Variants in RAD1 observed in about 807,000 individuals in gnomAD.
The protein encoded by RAD1 is RAD1 checkpoint DNA exonuclease.
A neutral mutation model predicts 30.0 loss-of-function variants in RAD1; 21 were observed. That is an observed-to-expected ratio of 0.70 (90% CI 0.50 to 1.01). RAD1 has a LOEUF of 1.01. Ranked by LOEUF, RAD1 falls within the 50% of genes least tolerant of loss-of-function variation. The pLI is 0.00. For synonymous variants in RAD1, 109 were observed against 113.6 expected, an observed-to-expected ratio of 0.96 and a Z score of 0.26; for missense variants, 329 against 329.0, an observed-to-expected ratio of 1.00 and a Z score of 0.00.
intron 1 of RAD1, 90 bp downstream of exon 1, chr5:34,915,326 T>A: frequency 4.1e-6 from 1 of 245,052 alleles, no homozygotes; most frequent in South Asian, 6.7e-5. Context: ...CAGATAATCC[T>A]CCAAGAGTCC....
rs1763633961 is a variant in RAD1, at chr5:34,905,860, ATAAGTACCTTGATGTTAGGG to A, written c.*2885_*2904del. ...AAATAAGGAGGAAATTCTTTATAAA[ATAAGTACCTTGATGTTAGGG>A]TGACTTAGAAACAATTCATTAGTCT... is the stretch of plus-strand genomic sequence containing the variant. On this transcript the variant is annotated 3_prime_UTR_variant, in exon 6 of 6. Transcript: ENST00000382038. 1 of 152,232 alleles carries A rather than the reference ATAAGTACCTTGATGTTAGGG, an allele frequency of 6.6e-6. No individual in the cohort carries two copies. The highest frequency in any genetic ancestry group is 6.5e-5 in the Admixed American group (1 of 15,284). The allele number at this position is 152,232 out of a possible 1,614,324, so 9.4% of individuals were successfully genotyped here. A position where few individuals can be genotyped will look rare whatever the true frequency, so the allele number is the denominator to read the frequency against.
At position 34,911,601 on chromosome 5, in the gene RAD1, C is replaced by T. The variant is rs147296059; in HGVS notation, c.519G>A (p.Thr173=). 1.1e-3 allele frequency: 1,746 copies of T among 1,614,126 alleles called. 2 individuals carry two copies. The highest frequency in any genetic ancestry group is 2.0e-3 in the Middle Eastern group (12 of 6,062). Residue 173 remains threonine, a synonymous_variant, in exon 4 of 6, where the codon ACG becomes ACA. Transcript: ENST00000382038. ...ACATGGTAATTTGTAGGACTTCACT[C>T]GTCATATCCAATTCAGAAAATGCTT... is the stretch of plus-strand genomic sequence containing the variant. ...LREAFSELDM[T]SEVLQITMSP...
chr5:34,915,206 C>T (rs1369915501), intron 1 of RAD1, among the ~76,000 whole-genome samples: 1 of 152,230 alleles, frequency 6.6e-6, no homozygotes, highest in Non-Finnish European at 1.5e-5. Context: ...GACACGGTAT[C>T]TCCCGGCCAA....
chr5:34,914,464 T>A (rs1163093863), intron 2 of RAD1: 3 of 543,902 alleles, frequency 5.5e-6, no homozygotes, highest in Non-Finnish European at 9.7e-6. Flanking sequence ...CTAACCATTA[T>A]CTCTGTAAAA....
chr5:34,909,642 AG>A (rs1763767185), intron 4 of RAD1, among the ~76,000 whole-genome samples: 1 of 152,186 alleles, frequency 6.6e-6, no homozygotes, highest in Non-Finnish European at 1.5e-5. Context: ...CTCATCCTTA[AG>A]TCAGAAATAT....
intron 4 of RAD1, among the ~76,000 whole-genome samples, chr5:34,910,806 T>TA (rs1331727349): frequency 1.3e-5 from 2 of 152,228 alleles, no homozygotes; most frequent in Non-Finnish European, 2.9e-5. Flanking sequence ...TTAGGGGCTT[T>TA]AATATTCTGA....
At chr5:34,914,547 G>A in intron 2 of RAD1, 148 bp downstream of exon 2, 1 of 745,314 alleles carries the variant, frequency 1.3e-6, no homozygotes, top group Non-Finnish European at 2.1e-6. Context: ...TCTAACTTAA[G>A]ACTATTATTT....
chr5:34,914,929 G>C lies in RAD1; in HGVS notation c.-37C>G, dbSNP rs1230568588. On this transcript the variant is annotated 5_prime_UTR_variant, in exon 2 of 6. Transcript: ENST00000382038. ...CATTCGGCCCCGAGGGATGCTCCTG[G>C]GGCCAACAACTTCTCGGCGGATCGC... The C allele has an allele frequency of 1.9e-6, 3 of 1,610,752 alleles. No individual in the cohort carries two copies. Among genetic ancestry groups the C allele is most frequent in the African/African-American group, 2.7e-5 (2 of 74,816 alleles).
At chr5:34,915,023 C>T in intron 1 of RAD1, 62 bp from the exon 2 acceptor site, 1 of 941,588 alleles carries the variant, frequency 1.1e-6, no homozygotes, top group Non-Finnish European at 1.6e-6. Context: ...GCTCCACCTG[C>T]GCTGAGAGGT....
rs1451637992 is a variant in RAD1 at position 34,908,122 on chromosome 5, T to C, written c.*643A>G. 1 of 150,774 alleles carries C rather than the reference T, an allele frequency of 6.6e-6. No individual in the cohort carries two copies. The highest frequency in any genetic ancestry group is 1.5e-5 in the Non-Finnish European group (1 of 67,788). 9.3% of individuals were successfully genotyped at this position (150,774 alleles called of 1,614,324 possible). ...TGCCTTTGCTTTTTCTAATAATAAA[T>C]AAATAAAAGATCATTTCAGGTAGCT... On this transcript the variant is annotated 3_prime_UTR_variant, in exon 6 of 6. Coordinates refer to ENST00000382038, the MANE Select transcript of RAD1 (RefSeq NM_002853.4).
In RAD1 at chr5:34,908,343, T is replaced by C. The variant is rs546287886; in HGVS notation, c.*422A>G. The C allele has an allele frequency of 6.6e-6, 1 of 152,502 alleles. No individual in the cohort carries two copies. Among genetic ancestry groups the C allele is most frequent in the Non-Finnish European group, 1.5e-5 (1 of 68,382 alleles). The allele number at this position is 152,502 out of a possible 1,614,324, so 9.4% of individuals were successfully genotyped here. On this transcript the variant is annotated 3_prime_UTR_variant, in exon 6 of 6. Transcript: ENST00000382038. The stretch of plus-strand genomic sequence containing the variant: ...CATGTGCCACCACGTCCGGCTAATT[T>C]TTTGTATTTTTAGTAGAGATGGGGT...
chr5:34,914,807 G>C lies in RAD1; in HGVS notation c.86C>G (p.Thr29Ser). ...ASLDNVRNLS[T>S]ILKAIHFREH... Reference sequence around the variant, plus strand: ...TCGGAAATGAATAGCTTTCAAGATAGTGGAGAGATTCCTAACGTTGTCAAG... The same window carrying C: ...TCGGAAATGAATAGCTTTCAAGATACTGGAGAGATTCCTAACGTTGTCAAG... Residue 29 changes from threonine (T) to serine (S), a missense_variant, in exon 2 of 6, where the codon ACT becomes AGT. Thr to Ser is a moderately conservative substitution (Grantham distance 58). Transcript: ENST00000382038. 5 of 1,614,242 alleles carry C rather than the reference G, an allele frequency of 3.1e-6. No individual in the cohort carries two copies. Among genetic ancestry groups the C allele is most frequent in the Non-Finnish European group, 4.2e-6 (5 of 1,180,038 alleles).
At position 34,907,105 on chromosome 5, in the gene RAD1, A is replaced by ACC. The variant is rs1561167278; in HGVS notation, c.*1659_*1660insGG. On this transcript the variant is annotated 3_prime_UTR_variant, in exon 6 of 6. Transcript: ENST00000382038. ...TCCCAGAATTGTCCATATGCCTGGG[A>ACC]AGCAGTGCCTGCCATTGTGCTGGAG... 1 of 152,210 alleles carries ACC rather than the reference A, an allele frequency of 6.6e-6. No individual in the cohort carries two copies. The highest frequency in any genetic ancestry group is 2.4e-5 in the African/African-American group (1 of 41,454). The allele number at this position is 152,210 out of a possible 1,614,324, so 9.4% of individuals were successfully genotyped here.
intron 1 of RAD1, 107 bp downstream of exon 1, chr5:34,915,309 G>T (rs952408012): frequency 3.7e-6 from 1 of 273,390 alleles, no homozygotes; most frequent in Non-Finnish European, 7.0e-6. Context: ...GGCGGGCCCG[G>T]AGTGTCCAGA....
chr5:34,914,032 T>A (rs955069849), intron 2 of RAD1: 4 of 456,440 alleles, frequency 8.8e-6, no homozygotes, highest in Middle Eastern at 3.2e-4. Flanking sequence ...TGCCCCTGCA[T>A]GAGGACAAGA....
rs1763737532 is a variant in RAD1, at chr5:34,908,825, T to C, written c.789A>G (p.Gln263=). Residue 263 remains glutamine, a synonymous_variant, in exon 6 of 6, where the codon CAA becomes CAG. Coordinates refer to ENST00000382038, the MANE Select transcript of RAD1 (RefSeq NM_002853.4). The part of the protein sequence containing the change: ...LQYMIRNEDG[Q]ICFVEYYCCP... Reference sequence around the variant, plus strand: ...AGCAGTAATATTCCACAAAACATATTTGTCCATCTTCATTTCTAATCATAT... The same window carrying C: ...AGCAGTAATATTCCACAAAACATATCTGTCCATCTTCATTTCTAATCATAT... 2 of 1,612,836 alleles carry C rather than the reference T, an allele frequency of 1.2e-6. No individual in the cohort carries two copies. Among genetic ancestry groups the C allele is most frequent in the South Asian group, 1.1e-5 (1 of 90,990 alleles).
chr5:34,913,422 G>T, intron 3 of RAD1, 48 bp downstream of exon 3: 2 of 1,106,048 alleles, frequency 1.8e-6, no homozygotes, highest in South Asian at 2.0e-5. Flanking sequence ...GTATTTTTCT[G>T]ACCACTATGT....
At position 34,906,632 on chromosome 5, in the gene RAD1, T is replaced by G. The variant is rs1763663459; in HGVS notation, c.*2133A>C. 1 of 152,066 alleles carries G rather than the reference T, an allele frequency of 6.6e-6. No individual in the cohort carries two copies. The highest frequency in any genetic ancestry group is 2.4e-5 in the African/African-American group (1 of 41,396). 9.4% of individuals were successfully genotyped at this position (152,066 alleles called of 1,614,324 possible). On this transcript the variant is annotated 3_prime_UTR_variant, in exon 6 of 6. Transcript: ENST00000382038. ...CCAGCCTGGGCAACAGAGCAAGATC[T>G]TGTCTCCAAAAATAAAAATAAAAAA...
rs1424636443 is a variant in RAD1 at position 34,914,970 on chromosome 5, A to T, written c.-69-9T>A. The T allele has an allele frequency of 6.6e-7, 1 of 1,505,550 alleles. No individual in the cohort carries two copies. The highest frequency in any genetic ancestry group is 1.4e-5 in the African/African-American group (1 of 72,276). The allele number at this position is 1,505,550 out of a possible 1,614,324, so 93.3% of individuals were successfully genotyped here. Reference sequence around the variant, plus strand: ...GGCGGATCGCCAAACACCTGAAGGGATTAGACAGTAAAACTCCCATCAGTG... The same window carrying T: ...GGCGGATCGCCAAACACCTGAAGGGTTTAGACAGTAAAACTCCCATCAGTG... On this transcript the variant is annotated splice_polypyrimidine_tract_variant and intron_variant, in intron 1 of 5. Coordinates refer to ENST00000382038, the MANE Select transcript of RAD1 (RefSeq NM_002853.4).
Sources: allele counts gnomAD v4.1 joint callset (sites outside exome capture counted in the v4.1 genomes callset), GRCh38; gene constraint gnomAD v4.1.1; transcripts MANE v1.5; gene names NCBI Gene and HGNC (gene_info 2026-07-23, HGNC 2026-07-21).